The following IPP variants were observed in gnomAD, a reference collection of about 807,000 sequenced individuals.
IPP encodes the protein actin-binding protein IPP.
In IPP, 41 loss-of-function variants were observed where a neutral mutation model predicts 64.1. The observed-to-expected ratio is 0.64, with a 90% confidence interval of 0.50 to 0.83. The LOEUF is 0.83. Ranked by LOEUF, IPP falls within the 40% of genes least tolerant of loss-of-function variation. The probability of loss-of-function intolerance (pLI) is 0.00; values close to 1 mark genes in which losing one functional copy is unlikely to be tolerated. For missense variants in IPP, 649 were observed against 703.0 expected, an observed-to-expected ratio of 0.92 and a Z score of 0.87; for synonymous variants, 214 against 235.2, an observed-to-expected ratio of 0.91 and a Z score of 0.83.
In IPP at chr1:45,699,791, G is replaced by T; in HGVS notation, c.*175C>A. The T allele has an allele frequency of 7.1e-7, 1 of 1,410,558 alleles. No individual in the cohort carries two copies. Among genetic ancestry groups the T allele is most frequent in the Non-Finnish European group, 9.2e-7 (1 of 1,081,276 alleles). The allele number at this position is 1,410,558 out of a possible 1,614,324, so 87.4% of individuals were successfully genotyped here. On this transcript the variant is annotated 3_prime_UTR_variant, in exon 9 of 9. Coordinates refer to ENST00000396478, the MANE Select transcript of IPP (RefSeq NM_005897.3). ...GATCCTTCTGCCTCAGCCTTCCAAA[G>T]TGCTGGGATTATAGGCATGAGGCCA...
intron 6 of IPP, among the ~76,000 whole-genome samples, chr1:45,718,939 T>C (rs1645695938): frequency 1.3e-5 from 2 of 151,880 alleles, no homozygotes; most frequent in South Asian, 2.1e-4. Flanking sequence ...GACCTAGTAT[T>C]TGATAGTGCA....
chr1:45,738,855 A>AC (rs1447625548), intron 3 of IPP, among the ~76,000 whole-genome samples: 12 of 149,668 alleles, frequency 8.0e-5, no homozygotes, highest in African/African-American at 3.0e-4. Flanking sequence ...AAAAAAAAAA[A>AC]AAAAAAAAAA....
intron 3 of IPP, among the ~76,000 whole-genome samples, chr1:45,737,216 G>A (rs1290006540): frequency 6.6e-6 from 1 of 151,970 alleles, no homozygotes; most frequent in Non-Finnish European, 1.5e-5. Flanking sequence ...CCTGATTCAT[G>A]CCAATGTGTG....
intron 8 of IPP, among the ~76,000 whole-genome samples, chr1:45,704,481 C>T (rs1377239284): frequency 6.6e-6 from 1 of 152,082 alleles, no homozygotes; most frequent in African/African-American, 2.4e-5. Context: ...AGCAATCCAC[C>T]CGCCTCGGCC....
chr1:45,697,543 T>C (rs1645397313), downstream of IPP, among the ~76,000 whole-genome samples: 1 of 152,134 alleles, frequency 6.6e-6, no homozygotes, highest in Non-Finnish European at 1.5e-5. Context: ...TAAGCCACGG[T>C]GCCCGGCCTA....
At position 45,717,016 on chromosome 1, in the gene IPP, A is replaced by C. The variant is rs780970876; in HGVS notation, c.1188T>G (p.Gly396=). Residue 396 remains glycine, a splice_region_variant and synonymous_variant, in exon 7 of 9, where the codon GGT becomes GGG. Transcript: ENST00000396478. ...CVCYGAIYAL[G]GWVGAEIGNT... ...TCCCTATCTCAGCTCCAACCCATCC[A>C]CCTGTAATGAAATAGAAAAATGTTT... 6.5e-5 allele frequency: 105 copies of C among 1,610,126 alleles called. No individual in the cohort carries two copies. The highest frequency in any genetic ancestry group is 3.2e-4 in the Admixed American group (19 of 58,712).
Position 45,727,678 on chromosome 1 carries a change from C to T in IPP, c.1001G>A (p.Ser334Asn). Residue 334 changes from serine (S) to asparagine (N), a missense_variant, in exon 5 of 9, where the codon AGT (serine) becomes AAT (asparagine). By Grantham distance (46) the Ser-to-Asn change is conservative. Coordinates refer to ENST00000396478, the MANE Select transcript of IPP (RefSeq NM_005897.3). The part of the protein sequence containing the change: ...TTVSSLHQAR[S>N]GLGVTVLGGM... The stretch of plus-strand genomic sequence containing the variant: ...TCCCAGAACTGTTACTCCCAGCCCA[C>T]TTCGAGCCTGATGAAGTGAAGACAC... 1.3e-6 allele frequency: 2 copies of T among 1,596,334 alleles called. No individual in the cohort carries two copies. The highest frequency in any genetic ancestry group is 1.7e-4 in the Middle Eastern group (1 of 5,996).
chr1:45,694,705 TA>T, downstream of IPP: 1 of 519,966 alleles, frequency 1.9e-6, no homozygotes, highest in Middle Eastern at 4.4e-4. Context: ...TTCCAGTTTT[TA>T]TTAGGATATT....
Position 45,709,033 on chromosome 1 carries a change from CA to C in IPP, c.1530+5212del, listed in dbSNP as rs71058700. ...TGGGCAACAGAGCAAGACTCCATCTCAAAAAAAAAAAAAAAAAAAAGGAGAA... is the reference window on the plus strand; with the variant it reads ...TGGGCAACAGAGCAAGACTCCATCTCAAAAAAAAAAAAAAAAAAAGGAGAA... On this transcript the variant is annotated intron_variant, in intron 8 of 8. Transcript: ENST00000396478. 4.1e-3 allele frequency among the ~76,000 whole-genome samples: 241 copies of C among 58,154 alleles called. 4 individuals carry two copies. Among genetic ancestry groups the C allele is most frequent in the Admixed American group, 0.017 (65 of 3,786 alleles). 38.2% of individuals were successfully genotyped at this position (58,154 alleles called of 152,430 possible).
In IPP at chr1:45,727,782, C is replaced by A. The variant is rs1645850913; in HGVS notation, c.897G>T (p.Leu299Phe). Residue 299 changes from leucine to phenylalanine, a missense_variant, in exon 5 of 9, where the codon TTG becomes TTT. Leu to Phe is a conservative substitution (Grantham distance 22). Transcript: ENST00000396478. ...TGCTATCACTCCAGCGACCCCCCTG[C>A]AACCGAGTATATCCACCTAAACAAA... ...YLYAVGGYTRLQGGRWSDSRA... is the reference protein window; with the variant it reads ...YLYAVGGYTRFQGGRWSDSRA... The A allele has an allele frequency of 6.4e-7, 1 of 1,556,420 alleles. No individual in the cohort carries two copies. The highest frequency in any genetic ancestry group is 8.8e-7 in the Non-Finnish European group (1 of 1,139,122).
chr1:45,703,543 G>A (rs1029508531), intron 8 of IPP, among the ~76,000 whole-genome samples: 2 of 151,498 alleles, frequency 1.3e-5, no homozygotes, highest in African/African-American at 4.9e-5. Flanking sequence ...TTATGTTCAA[G>A]TGAATTTGAG....
downstream of IPP, among the ~76,000 whole-genome samples, chr1:45,695,959 G>A (rs548588239): frequency 1.3e-5 from 2 of 152,166 alleles, no homozygotes; most frequent in South Asian, 4.1e-4. Flanking sequence ...ATGAGCCACC[G>A]TGCCCGGCCT....
intron 3 of IPP, among the ~76,000 whole-genome samples, chr1:45,740,047 G>A (rs1008098811): frequency 8.5e-5 from 13 of 152,216 alleles, no homozygotes; most frequent in African/African-American, 3.1e-4. Flanking sequence ...CTGCCTTCAA[G>A]CATCTGTTTA....
intron 4 of IPP, among the ~76,000 whole-genome samples, chr1:45,728,782 C>G (rs1348383056): frequency 6.6e-6 from 1 of 152,020 alleles, no homozygotes; most frequent in African/African-American, 2.4e-5. Context: ...AGGCCATGAG[C>G]CACCACATCC....
chr1:45,697,305 CAG>C (rs1334577366), downstream of IPP: 1 of 152,110 alleles, frequency 6.6e-6, no homozygotes, highest in Non-Finnish European at 1.5e-5. Flanking sequence ...GGCTAGAACA[CAG>C]TGGTATGATC....
intron 1 of IPP, among the ~76,000 whole-genome samples, chr1:45,749,806 C>T (rs1461398473): frequency 6.6e-6 from 1 of 151,940 alleles, no homozygotes; most frequent in Non-Finnish European, 1.5e-5. Context: ...AGGCGTGAGC[C>T]ACCGCGCCCG....
intron 3 of IPP, among the ~76,000 whole-genome samples, chr1:45,731,577 C>T (rs947906458): frequency 1.3e-5 from 2 of 152,078 alleles, no homozygotes; most frequent in African/African-American, 2.4e-5. Flanking sequence ...AGAGTTTGAA[C>T]AGAGTTGACA....
intron 8 of IPP, among the ~76,000 whole-genome samples, chr1:45,713,964 CT>C (rs1377735228): frequency 1.3e-5 from 2 of 151,842 alleles, no homozygotes; most frequent in African/African-American, 4.8e-5. Flanking sequence ...AAGACCCTGT[CT>C]CTTAAAAAAT....
intron 1 of IPP, among the ~76,000 whole-genome samples, chr1:45,750,185 C>A (rs1230604124): frequency 1.3e-5 from 2 of 152,210 alleles, no homozygotes; most frequent in East Asian, 3.8e-4. Flanking sequence ...GAAAGAATCC[C>A]CGGAACAAGT....
Sources: gnomAD v4.1 joint callset for allele counts (sites outside exome capture counted in the v4.1 genomes callset) on GRCh38, gnomAD v4.1.1 for gene constraint, MANE v1.5 for transcripts, NCBI Gene and HGNC (gene_info 2026-07-23, HGNC 2026-07-21) for gene names.